LCLAT1: variants seen among roughly 807,000 people sequenced by gnomAD.
LCLAT1 encodes 1-AGP acyltransferase 8.
A neutral mutation model predicts 30.7 loss-of-function variants in LCLAT1; 11 were observed. That is an observed-to-expected ratio of 0.36 (90% CI 0.23 to 0.59). The LOEUF is 0.59. LCLAT1 is among the 20% of genes least tolerant of loss of function. The pLI is 0.77. For missense variants in LCLAT1, 402 were observed against 458.6 expected, an observed-to-expected ratio of 0.88 and a Z score of 1.13; for synonymous variants, 155 against 151.3, an observed-to-expected ratio of 1.02 and a Z score of -0.18.
At chr2:30,525,553 A>G in intron 1 of LCLAT1, 34 bp from the exon 2 acceptor site, 3 of 1,537,286 alleles carry the variant, frequency 2.0e-6, no homozygotes, top group Non-Finnish European at 1.8e-6. Flanking sequence ...TTAAATGTAT[A>G]GTAACAAAAT....
chr2:30,626,252 A>G (rs1055633969), intron 5 of LCLAT1, among the ~76,000 whole-genome samples: 1 of 152,186 alleles, frequency 6.6e-6, no homozygotes, highest in Non-Finnish European at 1.5e-5. Flanking sequence ...TTTCATTTGC[A>G]GGGGTTTTGG....
intron 1 of LCLAT1, among the ~76,000 whole-genome samples, chr2:30,454,849 T>C (rs1347703266): frequency 6.6e-6 from 1 of 152,228 alleles, no homozygotes; most frequent in African/African-American, 2.4e-5. Flanking sequence ...GGGAAGGCAG[T>C]GGAGAAGCAG....
intron 1 of LCLAT1, among the ~76,000 whole-genome samples, chr2:30,448,585 T>G (rs1426958089): frequency 5.9e-5 from 9 of 152,236 alleles, no homozygotes; most frequent in Non-Finnish European, 1.3e-4. Context: ...GTGCCAACTA[T>G]GTGTCAGTTT....
At chr2:30,549,304 T>C (rs1330614201) in intron 3 of LCLAT1, among the ~76,000 whole-genome samples, 1 of 152,170 alleles carries the variant, frequency 6.6e-6, no homozygotes, top group Non-Finnish European at 1.5e-5. Context: ...CTCAGCAAAT[T>C]TACATTGCGT....
At chr2:30,559,295 G>T (rs1018973456) in intron 3 of LCLAT1, among the ~76,000 whole-genome samples, 2 of 152,096 alleles carry the variant, frequency 1.3e-5, no homozygotes, top group Non-Finnish European at 2.9e-5. Context: ...AATTTATTAA[G>T]CTCTCTACCT....
chr2:30,625,957 A>G (rs1668487039), intron 5 of LCLAT1, among the ~76,000 whole-genome samples: 1 of 152,176 alleles, frequency 6.6e-6, no homozygotes, highest in South Asian at 2.1e-4. Flanking sequence ...GCACTGATAA[A>G]CTGTAAGGGC....
At chr2:30,534,463 A>G (rs1572585507) in intron 3 of LCLAT1, among the ~76,000 whole-genome samples, 1 of 152,208 alleles carries the variant, frequency 6.6e-6, no homozygotes, top group Middle Eastern at 3.4e-3. Flanking sequence ...TATTTTTAGT[A>G]GAGACGGGGT....
At chr2:30,472,722 C>A (rs542881480) in intron 1 of LCLAT1, among the ~76,000 whole-genome samples, 2 of 152,146 alleles carry the variant, frequency 1.3e-5, no homozygotes, top group Admixed American at 6.5e-5. Flanking sequence ...GAGGTGATTA[C>A]CTTTCCAGGT....
In LCLAT1 at chr2:30,642,534, G is replaced by A. The variant is rs1368086108; in HGVS notation, c.*1915G>A. ...CACAAATAGTTTTATAATCAGGATT[G>A]CATTTGTGCTGGGTAAAAGAGGAGA... On this transcript the variant is annotated 3_prime_UTR_variant, in exon 6 of 6. Transcript: ENST00000379509. The A allele has an allele frequency of 6.6e-6, 1 of 151,328 alleles. No homozygotes were observed. The highest frequency in any genetic ancestry group is 2.4e-5 in the African/African-American group (1 of 41,132). 9.4% of individuals were successfully genotyped at this position (151,328 alleles called of 1,614,324 possible).
intron 1 of LCLAT1, among the ~76,000 whole-genome samples, chr2:30,516,969 G>A (rs1327592530): frequency 6.6e-6 from 1 of 152,168 alleles, no homozygotes; most frequent in Non-Finnish European, 1.5e-5. Context: ...GGGAAGCTGA[G>A]GGCCGACTAG....
intron 1 of LCLAT1, among the ~76,000 whole-genome samples, chr2:30,492,256 T>C (rs1236972536): frequency 1.3e-5 from 2 of 152,202 alleles, no homozygotes; most frequent in African/African-American, 4.8e-5. Flanking sequence ...TTAAGTCTTA[T>C]ACTTCTAGGG....
intron 1 of LCLAT1, among the ~76,000 whole-genome samples, chr2:30,518,611 G>A (rs763801559): frequency 2.6e-5 from 4 of 152,180 alleles, no homozygotes; most frequent in Non-Finnish European, 5.9e-5. Flanking sequence ...AACGGACAGT[G>A]GAGGTTAGTG....
chr2:30,582,228 A>G (rs1281085455), intron 5 of LCLAT1, among the ~76,000 whole-genome samples: 3 of 148,000 alleles, frequency 2.0e-5, no homozygotes, highest in East Asian at 2.0e-4. Context: ...TCCCATGGCA[A>G]TGGTGCTAAA....
intron 4 of LCLAT1, among the ~76,000 whole-genome samples, chr2:30,567,077 T>A (rs1665520500): frequency 6.6e-6 from 1 of 152,218 alleles, no homozygotes; most frequent in Non-Finnish European, 1.5e-5. Context: ...GATTGCTAGT[T>A]ATTTCTTCTG....
chr2:30,499,135 G>A (rs1357325338), intron 1 of LCLAT1, among the ~76,000 whole-genome samples: 1 of 152,152 alleles, frequency 6.6e-6, no homozygotes, highest in Non-Finnish European at 1.5e-5. Flanking sequence ...CCTGATAGAG[G>A]TGAGGAGTGG....
chr2:30,462,238 C>T (rs1324266042), intron 1 of LCLAT1, among the ~76,000 whole-genome samples: 1 of 152,104 alleles, frequency 6.6e-6, no homozygotes, highest in Non-Finnish European at 1.5e-5. Flanking sequence ...AGAAAACAAG[C>T]ACCTATTGTG....
At chr2:30,510,521 C>T (rs748005895) in intron 1 of LCLAT1, among the ~76,000 whole-genome samples, 7 of 152,168 alleles carry the variant, frequency 4.6e-5, no homozygotes, top group Admixed American at 1.3e-4. Flanking sequence ...TCTTTGTCTC[C>T]ACTCTTCTGT....
At chr2:30,593,727 A>G (rs898860711) in intron 5 of LCLAT1, among the ~76,000 whole-genome samples, 1 of 152,176 alleles carries the variant, frequency 6.6e-6, no homozygotes, top group African/African-American at 2.4e-5. Flanking sequence ...TTTCTCTTCT[A>G]ATTAATCCAT....
chr2:30,601,674 ACTT>A (rs753497332), intron 5 of LCLAT1, among the ~76,000 whole-genome samples: 1 of 3,200 alleles, frequency 3.1e-4, no homozygotes, highest in African/African-American at 0.014. Context: ...TAATAGATGC[ACTT>A]TAAAACAATA....
Sources: gnomAD v4.1 joint callset for allele counts (sites outside exome capture counted in the v4.1 genomes callset) on GRCh38, gnomAD v4.1.1 for gene constraint, MANE v1.5 for transcripts, NCBI Gene and HGNC (gene_info 2026-07-23, HGNC 2026-07-21) for gene names.